Variants in ZFP57 observed in about 807,000 individuals in gnomAD.
The protein encoded by ZFP57 is zinc finger protein 57 homolog.
In ZFP57, 12 loss-of-function variants were observed where a neutral mutation model predicts 15.8. The observed-to-expected ratio is 0.76, with a 90% CI of 0.49 to 1.23. ZFP57 has a LOEUF of 1.23. Among genes scored for constraint, ZFP57 ranks in the 50% most tolerant of loss-of-function variants. The pLI, the probability that ZFP57 is intolerant of heterozygous loss-of-function variation, is 0.00. For missense variants in ZFP57, 536 were observed against 654.9 expected (o/e 0.82, Z 1.98); for synonymous variants, 203 against 242.3 (o/e 0.84, Z 1.51).
At chr6:29,679,714 G>A (rs1320547797) in intron 1 of ZFP57, among the ~76,000 whole-genome samples, 1 of 152,024 alleles carries the variant, frequency 6.6e-6, no homozygotes, top group Non-Finnish European at 1.5e-5. Context: ...CATGGACCTC[G>A]TCTCTACTAA....
rs186800938 is a variant in ZFP57 at position 29,675,962 on chromosome 6, G to C, written c.221C>G (p.Ser74Trp). 6.2e-7 allele frequency: 1 copy of C among 1,613,294 alleles called. No individual in the cohort carries two copies. Among genetic ancestry groups the C allele is most frequent in the East Asian group, 2.2e-5 (1 of 44,880 alleles). ...SQRVLYQDVM[S>W]ETFKNLTSVA... ...AGATGTTAGATTCTTAAAGGTTTCCGACATAACATCCTGGTAAAGGACCCT... is the reference window on the plus strand; with the variant it reads ...AGATGTTAGATTCTTAAAGGTTTCCCACATAACATCCTGGTAAAGGACCCT... The change falls in exon 3 of 5, where the codon TCG becomes TGG. Residue 74 changes from serine to tryptophan, a missense_variant. Transcript: ENST00000376883.
chr6:29,677,914 C>T (rs1408870431), intron 1 of ZFP57, among the ~76,000 whole-genome samples: 2 of 152,080 alleles, frequency 1.3e-5, no homozygotes, highest in African/African-American at 2.4e-5. Flanking sequence ...TGAAAAATTC[C>T]GGAGGACAGG....
chr6:29,675,557 C>T, intron 3 of ZFP57, 70 bp from the exon 4 acceptor site: 2 of 1,206,792 alleles, frequency 1.7e-6, no homozygotes, highest in Non-Finnish European at 1.2e-6. Context: ...ATGGGGACAA[C>T]AGGCTACCTC....
At position 29,672,687 on chromosome 6, in the gene ZFP57, C is replaced by T; in HGVS notation, c.1424G>A (p.Cys475Tyr). Residue 475 changes from cysteine (C) to tyrosine (Y), a missense_variant, in exon 5 of 5, where the codon TGC (cysteine) becomes TAC (tyrosine). Transcript: ENST00000376883. ...AAGCCACTGGCCCAGGATCACCCGG[C>T]ATTTATGGTGGCTGCTCTGGCACAG... Reference protein sequence around the residue: ...KDLCQSSHHKCRVILGQWLGF... With the variant: ...KDLCQSSHHKYRVILGQWLGF... The T allele has an allele frequency of 2.5e-6, 4 of 1,612,626 alleles. No individual in the cohort carries two copies. Among genetic ancestry groups the T allele is most frequent in the Non-Finnish European group, 3.4e-6 (4 of 1,179,676 alleles).
chr6:29,679,605 T>C (rs925296977), intron 1 of ZFP57, among the ~76,000 whole-genome samples: 6 of 152,150 alleles, frequency 3.9e-5, no homozygotes, highest in Non-Finnish European at 2.9e-5. Context: ...ACAGCCTTAA[T>C]AAGGCTGGGC....
Position 29,672,999 on chromosome 6 carries a change from G to T in ZFP57, c.1112C>A (p.Ser371Tyr), listed in dbSNP as rs559348023. 1.2e-6 allele frequency: 2 copies of T among 1,613,062 alleles called. No homozygotes were observed. Among genetic ancestry groups the T allele is most frequent in the Admixed American group, 1.7e-5 (1 of 60,012 alleles). Residue 371 changes from serine (S) to tyrosine (Y), a missense_variant, in exon 5 of 5, where the codon TCC becomes TAC. Transcript: ENST00000376883. ...ITGTLCQDARSNSHPVKPSRL... is the reference protein window; with the variant it reads ...ITGTLCQDARYNSHPVKPSRL... ...TGAGGGCTTCACTGGATGAGAGTTG[G>T]ATCTGGCATCCTGACAGAGGGTTCC...
Position 29,672,591 on chromosome 6 carries a change from C to A in ZFP57, c.1520G>T (p.Arg507Met), listed in dbSNP as rs147411133. The A allele has an allele frequency of 3.7e-6, 6 of 1,612,424 alleles. No individual in the cohort carries two copies. The Admixed American group carries it at 1.0e-4, about 27-fold the overall frequency. The change falls in exon 5 of 5, where the codon AGG becomes ATG. Residue 507 changes from arginine to methionine, a missense_variant. Physicochemically the swap from Arg to Met is moderately conservative, Grantham distance 91. Coordinates refer to ENST00000376883, the MANE Select transcript of ZFP57 (RefSeq NM_001109809.5). ...GCCTCTTCTCCTGGGGGTATGGATC[C>A]TGGGGGGAGATTGATCACCTCCATG... is the stretch of plus-strand genomic sequence containing the variant. ...WKHGGDQSPP[R>M]IHTPRRRGLR...
rs371500990 is a variant in ZFP57 at position 29,676,948 on chromosome 6, C to T, written c.56G>A (p.Gly19Asp). 69 of 1,614,106 alleles carry T rather than the reference C, an allele frequency of 4.3e-5. 1 individual carries two copies. The African/African-American group carries it at 8.3e-4, about 19-fold the overall frequency. Reference protein sequence around the residue: ...EPVQKTLPWVGEVAATLQEAM... With the variant: ...EPVQKTLPWVDEVAATLQEAM... ...TTCCTGCAGGGTGGCAGCTACCTCG[C>T]CCACCCATGGGAGCGTCTTCTGTAC... The change falls in exon 2 of 5, where the codon GGC (glycine) becomes GAC (aspartate). Residue 19 changes from glycine to aspartate, a missense_variant. Transcript: ENST00000376883.
rs750911552 is a variant in ZFP57 at position 29,673,234 on chromosome 6, A to C, written c.877T>G (p.Cys293Gly). ...NQEPVDGNQECTLRIPGTQAE... is the reference protein window; with the variant it reads ...NQEPVDGNQEGTLRIPGTQAE... ...TGGGTGCCTGGAATCCTCAAAGTAC[A>C]CTCCTGGTTTCCATCCACTGGCTCC... The change falls in exon 5 of 5, where the codon TGT becomes GGT. Residue 293 changes from cysteine to glycine, a missense_variant. Transcript: ENST00000376883. This position sits in a 1 kb window ranked among gnomAD's most constrained non-coding sequence, Gnocchi z 4.7. 2.3e-5 allele frequency: 37 copies of C among 1,611,854 alleles called. No individual in the cohort carries two copies. Among genetic ancestry groups the C allele is most frequent in the Non-Finnish European group, 3.1e-5 (37 of 1,179,790 alleles).
chr6:29,673,421 G>A lies in ZFP57; in HGVS notation c.690C>T (p.Pro230=). 6.2e-7 allele frequency: 1 copy of A among 1,613,088 alleles called. No homozygotes were observed. The highest frequency in any genetic ancestry group is 1.1e-5 in the South Asian group (1 of 91,090). Residue 230 remains proline, a synonymous_variant, in exon 5 of 5, where the codon CCC becomes CCT. Transcript: ENST00000376883. The surrounding 1 kb of genome is among the most constrained non-coding windows in gnomAD (Gnocchi z 4.7). The part of the protein sequence containing the change: ...YHRRMHLGER[P]FCCTLCDKTY... ...TCTTGTCACAGAGCGTGCAACAGAA[G>A]GGCCTCTCCCCAAGATGCATGCGTC...
rs1200014655 is a variant in ZFP57 at position 29,677,045 on chromosome 6, G to T, written c.-42C>A. The T allele has an allele frequency of 6.2e-7, 1 of 1,613,628 alleles. No homozygotes were observed. Among genetic ancestry groups the T allele is most frequent in the Admixed American group, 1.7e-5 (1 of 60,028 alleles). On this transcript the variant is annotated 5_prime_UTR_variant, in exon 2 of 5. Transcript: ENST00000376883. ...TCTCTTTCTAGCTTTATCCACTCCTGGCCTGGTGCCCAGGCCTGACTGGAT... is the reference window on the plus strand; with the variant it reads ...TCTCTTTCTAGCTTTATCCACTCCTTGCCTGGTGCCCAGGCCTGACTGGAT...
Position 29,675,171 on chromosome 6 carries a change from A to AG in ZFP57, c.352+214_352+215insC, listed in dbSNP as rs1475955896. 6.4e-5 allele frequency among the ~76,000 whole-genome samples: 9 copies of AG among 140,862 alleles called. No individual in the cohort carries two copies. The Middle Eastern group carries it at 0.011, about 168-fold the overall frequency. 92.4% of individuals were successfully genotyped at this position (140,862 alleles called of 152,430 possible). Reference sequence around the variant, plus strand: ...TGTCTCAAAAAAAAAAAAAAAAAAAAAAAGAGAGAGAGAGAGAGACTTGGA... The same window carrying AG: ...TGTCTCAAAAAAAAAAAAAAAAAAAAGAAAGAGAGAGAGAGAGAGACTTGGA... On this transcript the variant is annotated intron_variant, in intron 4 of 4. Coordinates refer to ENST00000376883, the MANE Select transcript of ZFP57 (RefSeq NM_001109809.5).
intron 2 of ZFP57, 30 bp downstream of exon 2, chr6:29,676,851 C>A (rs201422572): frequency 5.3e-4 from 858 of 1,613,442 alleles, no homozygotes; most frequent in Non-Finnish European, 6.1e-4. Flanking sequence ...AGGACCTGGA[C>A]CCCACCTCTC....
At chr6:29,678,160 C>T (rs3129062) in intron 1 of ZFP57, among the ~76,000 whole-genome samples, 33,604 of 152,150 alleles carry the variant, frequency 0.22, 3,851 homozygotes, top group East Asian at 0.33. Context: ...GCCAAGACTG[C>T]GCCACTGCAC....
chr6:29,677,409 T>C (rs1772129836), intron 1 of ZFP57, 43 bp from the exon 2 acceptor site: 1 of 271,364 alleles, frequency 3.7e-6, no homozygotes. Flanking sequence ...AGAGGGAGGG[T>C]AAGAAACAGC....
In ZFP57 at chr6:29,672,745, T is replaced by A. The variant is rs1771756086; in HGVS notation, c.1366A>T (p.Met456Leu). The A allele has an allele frequency of 2.5e-6, 4 of 1,612,968 alleles. No homozygotes were observed. In the African/African-American group the frequency reaches 4.0e-5, roughly 16 times the overall value. ...DLSFGEKEGL[M>L]DHWRGYKGKD... ...CCTTTATAGCCCCTCCAGTGATCCATAAGGCCCTCTTTCTCCCCAAAGGAG... is the reference window on the plus strand; with the variant it reads ...CCTTTATAGCCCCTCCAGTGATCCAAAAGGCCCTCTTTCTCCCCAAAGGAG... The change falls in exon 5 of 5, where the codon ATG becomes TTG. Residue 456 changes from methionine (M) to leucine (L), a missense_variant. By Grantham distance (15) the Met-to-Leu change is conservative. Coordinates refer to ENST00000376883, the MANE Select transcript of ZFP57 (RefSeq NM_001109809.5).
chr6:29,674,390 G>T (rs1453812058), intron 4 of ZFP57, among the ~76,000 whole-genome samples: 2 of 152,252 alleles, frequency 1.3e-5, no homozygotes, highest in African/African-American at 2.4e-5. Flanking sequence ...GAAAAAATTG[G>T]CTTTTCAAAT....
At position 29,677,232 on chromosome 6, in the gene ZFP57, C is replaced by T. The variant is rs1772121269; in HGVS notation, c.-229G>A. 1.6e-6 allele frequency: 1 copy of T among 618,622 alleles called. No individual in the cohort carries two copies. The highest frequency in any genetic ancestry group is 2.8e-6 in the Non-Finnish European group (1 of 355,454). The allele number at this position is 618,622 out of a possible 1,614,324, so 38.3% of individuals were successfully genotyped here. On this transcript the variant is annotated 5_prime_UTR_variant, in exon 2 of 5. Transcript: ENST00000376883. Reference sequence around the variant, plus strand: ...AATTCTCCTCTTCCACAATTGAGAACAATTTTGCTTCCCTCAAAGCTGGGC... The same window carrying T: ...AATTCTCCTCTTCCACAATTGAGAATAATTTTGCTTCCCTCAAAGCTGGGC...
chr6:29,676,200 GA>G (rs1772064944), intron 2 of ZFP57, 141 bp from the exon 3 acceptor site: 1 of 961,386 alleles, frequency 1.0e-6, no homozygotes, highest in Non-Finnish European at 1.5e-6. Flanking sequence ...AAGGAAGAGA[GA>G]AATATTAAAA....
Sources: gnomAD v4.1 joint callset for allele counts (sites outside exome capture counted in the v4.1 genomes callset) on GRCh38, gnomAD v4.1.1 for gene constraint, Gnocchi (gnomAD v3.1) non-coding constraint, MANE v1.5 for transcripts, NCBI Gene and HGNC (gene_info 2026-07-23, HGNC 2026-07-21) for gene names.